The following NOXRED1 variants were observed in gnomAD, a reference collection of about 807,000 sequenced individuals.
The protein encoded by NOXRED1 is NADP-dependent oxidoreductase domain-containing protein 1.
NOXRED1 carries 20 observed loss-of-function variants against 30.4 expected under a neutral mutation model. That is an observed-to-expected ratio of 0.66 (90% CI 0.46 to 0.96). The LOEUF is 0.96. NOXRED1 is among the 40% of genes least tolerant of loss of function. The pLI is 0.00. For missense variants in NOXRED1, 374 were observed against 428.0 expected, an observed-to-expected ratio of 0.87 and a Z score of 1.11; for synonymous variants, 155 against 168.0, an observed-to-expected ratio of 0.92 and a Z score of 0.60.
At position 77,418,138 on chromosome 14, in the gene NOXRED1, A is replaced by G. The variant is rs75925381; in HGVS notation, c.156-4011T>C. On this transcript the variant is annotated intron_variant, in intron 1 of 5. Coordinates refer to ENST00000380835, the MANE Select transcript of NOXRED1 (RefSeq NM_001113475.3). ...GTTTTATAGTAATAGGTTTTTTTTT[A>G]GTATTTTTATTTTTGAGACAGGGTC... Among the ~76,000 whole-genome samples the G allele has an allele frequency of 6.5e-3, 981 of 151,732 alleles. 11 individuals are homozygous for G. The highest frequency in any genetic ancestry group is 0.022 in the African/African-American group (932 of 41,440).
chr14:77,422,750 A>C lies in NOXRED1; in HGVS notation c.140T>G (p.Leu47Arg). 6.2e-7 allele frequency: 1 copy of C among 1,614,156 alleles called. No individual in the cohort carries two copies. The highest frequency in any genetic ancestry group is 8.5e-7 in the Non-Finnish European group (1 of 1,179,998). Reference protein sequence around the residue: ...ACAHATFFCKLLYNLRASLNK... With the variant: ...ACAHATFFCKRLYNLRASLNK... ...CTCGGCTTACCTCAAATTATATAATAGTTTGCAGAAGAAGGTTGCATGGGC... is the reference window on the plus strand; with the variant it reads ...CTCGGCTTACCTCAAATTATATAATCGTTTGCAGAAGAAGGTTGCATGGGC... Residue 47 changes from leucine (L) to arginine (R), a missense_variant, in exon 1 of 6, where the codon CTA becomes CGA. Leu to Arg is a moderately radical substitution (Grantham distance 102). Transcript: ENST00000380835.
rs1053675658 is a variant in NOXRED1 at position 77,406,253 on chromosome 14, T to A, written c.683-118A>T. On this transcript the variant is annotated intron_variant, in intron 4 of 5. Coordinates refer to ENST00000380835, the MANE Select transcript of NOXRED1 (RefSeq NM_001113475.3). ...TTTTTTCCAAGACAGATTGGTAATA[T>A]GAACCACAAGATAAGCAAACATTCC... 6.0e-6 allele frequency: 4 copies of A among 670,066 alleles called. No homozygotes were observed. In the East Asian group the frequency reaches 1.1e-4, roughly 18 times the overall value. 41.5% of individuals were successfully genotyped at this position (670,066 alleles called of 1,614,324 possible).
intron 1 of NOXRED1, among the ~76,000 whole-genome samples, chr14:77,418,080 A>T (rs1277865839): frequency 1.3e-5 from 2 of 152,040 alleles, no homozygotes; most frequent in African/African-American, 4.8e-5. Flanking sequence ...CTCATGAATT[A>T]TATCTTTTGG....
At chr14:77,401,125 A>G (rs1168141760) in intron 5 of NOXRED1, among the ~76,000 whole-genome samples, 1 of 152,258 alleles carries the variant, frequency 6.6e-6, no homozygotes, top group Non-Finnish European at 1.5e-5. Flanking sequence ...CTGTAATCCC[A>G]GCACTTTGGG....
intron 4 of NOXRED1, 78 bp from the exon 5 acceptor site, chr14:77,406,213 C>A: frequency 1.1e-6 from 1 of 934,322 alleles, no homozygotes; most frequent in South Asian, 1.5e-5. Flanking sequence ...AAACCCCTGA[C>A]AGTGAATAGC....
chr14:77,399,961 T>A (rs1894283198), intron 5 of NOXRED1, among the ~76,000 whole-genome samples: 1 of 151,056 alleles, frequency 6.6e-6, no homozygotes, highest in Non-Finnish European at 1.5e-5. Context: ...AAACAAAAAA[T>A]CTTGAGATAA....
chr14:77,421,995 A>G (rs1430447691), intron 1 of NOXRED1, among the ~76,000 whole-genome samples: 5 of 152,348 alleles, frequency 3.3e-5, no homozygotes, highest in African/African-American at 9.6e-5. Flanking sequence ...GCCAGTCAGT[A>G]AATTCACTGA....
Position 77,422,965 on chromosome 14 carries a change from TAGG to T in NOXRED1, c.-79_-77del. 7.9e-7 allele frequency: 1 copy of T among 1,272,246 alleles called. No homozygotes were observed. The allele number at this position is 1,272,246 out of a possible 1,614,324, so 78.8% of individuals were successfully genotyped here. On this transcript the variant is annotated 5_prime_UTR_variant, in exon 1 of 6. Coordinates refer to ENST00000380835, the MANE Select transcript of NOXRED1 (RefSeq NM_001113475.3). Reference sequence around the variant, plus strand: ...TGTCCCGGTAGAAGAGGGGTCTATGTAGGAGGTGTGTGTATGATGGTGTGTGTG... The same window carrying T: ...TGTCCCGGTAGAAGAGGGGTCTATGTAGGTGTGTGTATGATGGTGTGTGTG...
chr14:77,406,181 T>C (rs781330080), intron 4 of NOXRED1, 46 bp from the exon 5 acceptor site: 12 of 1,386,856 alleles, frequency 8.7e-6, no homozygotes, highest in African/African-American at 1.4e-5. Flanking sequence ...CCACCAAAAA[T>C]GAGTTGCAGA....
Position 77,397,823 on chromosome 14 carries a change from A to C in NOXRED1, c.906-3018T>G, listed in dbSNP as rs1447434714. Among the ~76,000 whole-genome samples, 16 of 150,584 alleles carry C rather than the reference A, an allele frequency of 1.1e-4. No individual in the cohort carries two copies. The Admixed American group carries it at 1.1e-3, about 10-fold the overall frequency. On this transcript the variant is annotated intron_variant, in intron 5 of 5. Coordinates refer to ENST00000380835, the MANE Select transcript of NOXRED1 (RefSeq NM_001113475.3). Reference sequence around the variant, plus strand: ...TTTGAACCTGGGAAGCGGAGGTTGCAGTTAGCCGAGATTGCACCACTCACT... The same window carrying C: ...TTTGAACCTGGGAAGCGGAGGTTGCCGTTAGCCGAGATTGCACCACTCACT...
chr14:77,405,888 A>G, intron 5 of NOXRED1, 25 bp downstream of exon 5: 2 of 1,382,274 alleles, frequency 1.4e-6, no homozygotes, highest in Non-Finnish European at 2.1e-6. Context: ...AGAAATGAGA[A>G]TGGCCAGCTG....
At chr14:77,408,815 T>A (rs552106346) in intron 2 of NOXRED1, among the ~76,000 whole-genome samples, 1 of 151,468 alleles carries the variant, frequency 6.6e-6, no homozygotes, top group South Asian at 2.1e-4. Context: ...ATATACAAAT[T>A]AATTTTATTA....
At chr14:77,412,101 TAA>T (rs71128621) in intron 2 of NOXRED1, among the ~76,000 whole-genome samples, 728 of 63,672 alleles carry the variant, frequency 0.011, 4 homozygotes, top group African/African-American at 0.038. Context: ...AGACTCAGTC[TAA>T]AAAAAAAAAA....
chr14:77,407,675 C>T lies in NOXRED1; in HGVS notation c.350-30G>A, dbSNP rs770780247. 7.1e-6 allele frequency: 11 copies of T among 1,557,658 alleles called. No individual in the cohort carries two copies. The Admixed American group carries it at 1.5e-4, about 21-fold the overall frequency. ...GAGGGATAAAGGAAGACAGGAAGAG[C>T]ACAGTACTAAAGAGTTTGACCTGAA... is the stretch of plus-strand genomic sequence containing the variant. On this transcript the variant is annotated intron_variant, in intron 2 of 5. Coordinates refer to ENST00000380835, the MANE Select transcript of NOXRED1 (RefSeq NM_001113475.3).
At chr14:77,406,628 C>G (rs573397872) in intron 4 of NOXRED1, 96 bp downstream of exon 4, 5 of 415,860 alleles carry the variant, frequency 1.2e-5, no homozygotes, top group African/African-American at 6.5e-5. Flanking sequence ...CACACACACA[C>G]ACACACAGAG....
chr14:77,419,403 A>G (rs1026622126), intron 1 of NOXRED1, among the ~76,000 whole-genome samples: 5 of 148,900 alleles, frequency 3.4e-5, no homozygotes, highest in Admixed American at 1.3e-4. Context: ...CAGGTTTGCA[A>G]GAGATAGTAT....
chr14:77,425,515 T>G (rs1895102330), upstream of NOXRED1, among the ~76,000 whole-genome samples: 1 of 152,228 alleles, frequency 6.6e-6, no homozygotes, highest in Admixed American at 6.5e-5. Flanking sequence ...TAGTACAATC[T>G]AGCAAATTAA....
chr14:77,420,514 T>TACAAA (rs1894965278), intron 1 of NOXRED1, among the ~76,000 whole-genome samples: 1 of 151,710 alleles, frequency 6.6e-6, no homozygotes, highest in African/African-American at 2.4e-5. Flanking sequence ...AATTTGTAAT[T>TACAAA]TGTAATTACA....
intron 1 of NOXRED1, among the ~76,000 whole-genome samples, chr14:77,419,446 C>CT (rs35341872): frequency 0.034 from 3,135 of 91,514 alleles, 165 homozygotes; most frequent in African/African-American, 0.08. Flanking sequence ...TTTCTTTTTC[C>CT]TTTTTTTTTT....
Sources: allele counts gnomAD v4.1 joint callset (sites outside exome capture counted in the v4.1 genomes callset), GRCh38; gene constraint gnomAD v4.1.1; transcripts MANE v1.5; gene names NCBI Gene and HGNC (gene_info 2026-07-23, HGNC 2026-07-21).